The following CSMD1 variants were observed in gnomAD, a reference collection of about 807,000 sequenced individuals.
CSMD1 encodes the protein CUB and sushi domain-containing protein 1.
A neutral mutation model predicts 417.5 loss-of-function variants in CSMD1; 213 were observed. The observed-to-expected ratio is 0.51, with a 90% CI of 0.46 to 0.57. The LOEUF is 0.57. Ranked by LOEUF, CSMD1 falls within the 20% of genes least tolerant of loss-of-function variation. The pLI is 0.00. For missense variants in CSMD1, 6,923 were observed against 4,529.7 expected, an observed-to-expected ratio of 1.53 and a Z score of -15.17; for synonymous variants, 2,862 against 1,736.8, an observed-to-expected ratio of 1.65 and a Z score of -16.11.
chr8:4,811,413 G>A (rs1025188022), intron 1 of CSMD1, among the ~76,000 whole-genome samples: 11 of 151,886 alleles, frequency 7.2e-5, no homozygotes, highest in Non-Finnish European at 1.6e-4. Flanking sequence ...GTATTATGTT[G>A]AATCATATAA....
chr8:4,823,385 A>G (rs1799628590), intron 1 of CSMD1, among the ~76,000 whole-genome samples: 1 of 152,136 alleles, frequency 6.6e-6, no homozygotes, highest in South Asian at 2.1e-4. Context: ...TTGAAAAAAA[A>G]TCAAAGTAGT....
At chr8:4,434,912 C>A (rs1271200570) in intron 2 of CSMD1, among the ~76,000 whole-genome samples, 1 of 152,150 alleles carries the variant, frequency 6.6e-6, no homozygotes, top group Non-Finnish European at 1.5e-5. Flanking sequence ...CAGCACATGA[C>A]TCTGCATGAC....
At chr8:3,825,156 T>C (rs184236180) in intron 5 of CSMD1, among the ~76,000 whole-genome samples, 69 of 152,218 alleles carry the variant, frequency 4.5e-4, no homozygotes, top group Non-Finnish European at 7.6e-4. Flanking sequence ...TCATTCTCTT[T>C]CCCAGAAGCT....
At chr8:3,223,292 G>A (rs1188652073) in intron 28 of CSMD1, among the ~76,000 whole-genome samples, 1 of 152,054 alleles carries the variant, frequency 6.6e-6, no homozygotes, top group Non-Finnish European at 1.5e-5. Context: ...CATTTTCCAG[G>A]CTCTATTAAG....
At chr8:4,369,107 A>G (rs1251716261) in intron 3 of CSMD1, among the ~76,000 whole-genome samples, 3 of 152,082 alleles carry the variant, frequency 2.0e-5, no homozygotes, top group Non-Finnish European at 4.4e-5. Flanking sequence ...TCCTCTTAAC[A>G]CTGATTTAGC....
chr8:4,803,363 T>G lies in CSMD1; in HGVS notation c.86-165805A>C, dbSNP rs74613298. ...GAAATATAAAAAGGGTTTCAGTTAC[T>G]ATTAACTACCAGTGATGTACTCAAC... On this transcript the variant is annotated intron_variant, in intron 1 of 69. Coordinates refer to ENST00000635120, the MANE Select transcript of CSMD1 (RefSeq NM_033225.6). 7.4e-3 allele frequency among the ~76,000 whole-genome samples: 1,121 copies of G among 152,318 alleles called. 7 individuals carry two copies. Among genetic ancestry groups the G allele is most frequent in the Non-Finnish European group, 0.011 (715 of 68,026 alleles).
intron 2 of CSMD1, among the ~76,000 whole-genome samples, chr8:4,537,887 T>C (rs188048543): frequency 9.7e-4 from 147 of 152,328 alleles, no homozygotes; most frequent in African/African-American, 3.2e-3. Context: ...AGAATGCTTA[T>C]TTTCTCATTA....
chr8:4,843,261 C>A (rs982944668), intron 1 of CSMD1, among the ~76,000 whole-genome samples: 37 of 152,130 alleles, frequency 2.4e-4, no homozygotes, highest in Admixed American at 9.2e-4. Flanking sequence ...GTCTCCCTAA[C>A]CAAAAACATC....
In CSMD1 at chr8:3,592,018, T is replaced by C. The variant is rs1165714221; in HGVS notation, c.1098-5758A>G. ...GACGGATGGATAGATGATAGGTAGA[T>C]AGATACATAAATAGATGACAGACGA... On this transcript the variant is annotated intron_variant, in intron 8 of 69. Coordinates refer to ENST00000635120, the MANE Select transcript of CSMD1 (RefSeq NM_033225.6). Among the ~76,000 whole-genome samples, 5 of 151,938 alleles carry C rather than the reference T, an allele frequency of 3.3e-5. 2 individuals carry two copies. Among genetic ancestry groups the C allele is most frequent in the South Asian group, 4.2e-4 (2 of 4,804 alleles).
At chr8:4,415,883 G>A (rs1235103168) in intron 3 of CSMD1, among the ~76,000 whole-genome samples, 1 of 152,164 alleles carries the variant, frequency 6.6e-6, no homozygotes, top group South Asian at 2.1e-4. Flanking sequence ...AACAGTGAGT[G>A]TATAAGGATT....
intron 2 of CSMD1, among the ~76,000 whole-genome samples, chr8:4,447,784 G>A (rs1035487233): frequency 3.3e-5 from 5 of 152,266 alleles, no homozygotes; most frequent in Non-Finnish European, 5.9e-5. Flanking sequence ...GTTATAAAAG[G>A]AGAAGAAAAT....
chr8:3,213,626 A>G (rs754427592), intron 30 of CSMD1, among the ~76,000 whole-genome samples: 1 of 151,932 alleles, frequency 6.6e-6, no homozygotes, highest in African/African-American at 2.4e-5. Context: ...AAATATATAC[A>G]TATTAGTTTT....
At chr8:3,639,539 C>G (rs4380960) in intron 7 of CSMD1, among the ~76,000 whole-genome samples, 72,210 of 151,776 alleles carry the variant, frequency 0.48, 17,297 homozygotes, top group Middle Eastern at 0.63. Flanking sequence ...TAGGATGGAT[C>G]AGAAGACCTG....
intron 1 of CSMD1, among the ~76,000 whole-genome samples, chr8:4,734,495 T>A (rs1435129631): frequency 1.3e-5 from 2 of 152,216 alleles, no homozygotes; most frequent in African/African-American, 4.8e-5. Context: ...CTCTAAGATT[T>A]TTTTATTTCT....
chr8:4,555,886 A>T (rs895256835), intron 2 of CSMD1, among the ~76,000 whole-genome samples: 1 of 152,198 alleles, frequency 6.6e-6, no homozygotes, highest in African/African-American at 2.4e-5. Context: ...TTCTTTAAAA[A>T]AAGTCAAGTG....
chr8:3,273,073 A>T (rs1801990650), intron 26 of CSMD1, among the ~76,000 whole-genome samples: 1 of 152,066 alleles, frequency 6.6e-6, no homozygotes, highest in Non-Finnish European at 1.5e-5. Context: ...TGGGTTTGTT[A>T]TAGATAGCTC....
chr8:3,526,627 T>G (rs1797765168), intron 10 of CSMD1, among the ~76,000 whole-genome samples: 2 of 152,188 alleles, frequency 1.3e-5, no homozygotes, highest in Admixed American at 6.5e-5. Flanking sequence ...AAATAATTTT[T>G]CCAAGGTACC....
chr8:3,091,608 T>A lies in CSMD1; in HGVS notation c.7193A>T (p.Gln2398Leu), dbSNP rs370741981. 41 of 1,611,552 alleles carry A rather than the reference T, an allele frequency of 2.5e-5. No individual in the cohort carries two copies. Among genetic ancestry groups the A allele is most frequent in the Non-Finnish European group, 3.3e-5 (39 of 1,179,444 alleles). ...LVVLSGNHTEQSNFTSRSNQL... is the reference protein window; with the variant it reads ...LVVLSGNHTELSNFTSRSNQL... ...ATTACTCCTGCTTGTAAAATTTGAT[T>A]GTTCAGTATGATTCCCACTTAAGAC... Residue 2398 changes from glutamine (Q) to leucine (L), a missense_variant, in exon 48 of 70, where the codon CAA (glutamine) becomes CTA (leucine). Transcript: ENST00000635120.
chr8:4,060,211 G>T (rs921783366), intron 3 of CSMD1, among the ~76,000 whole-genome samples: 1 of 140,682 alleles, frequency 7.1e-6, no homozygotes, highest in Non-Finnish European at 1.5e-5. Flanking sequence ...TATTTCAATA[G>T]ATGCAGAAAA....
Sources: allele counts gnomAD v4.1 joint callset (sites outside exome capture counted in the v4.1 genomes callset), GRCh38; gene constraint gnomAD v4.1.1; transcripts MANE v1.5; gene names NCBI Gene and HGNC (gene_info 2026-07-23, HGNC 2026-07-21).